The following COL27A1 variants were observed in gnomAD, a reference collection of about 807,000 sequenced individuals.
The protein encoded by COL27A1 is collagen type XXVII alpha 1 chain, also known as collagen alpha-1(XXVII) chain.
A neutral mutation model predicts 251.3 loss-of-function variants in COL27A1; 106 were observed. The observed-to-expected ratio is 0.42, with a 90% CI of 0.36 to 0.50. COL27A1 has a LOEUF of 0.50. Among genes scored for constraint, COL27A1 ranks in the 20% least tolerant of loss-of-function variants. The pLI, the probability that COL27A1 is intolerant of heterozygous loss-of-function variation, is 0.00. For synonymous variants in COL27A1, 1,000 were observed against 986.3 expected, an observed-to-expected ratio of 1.01 and a Z score of -0.26; for missense variants, 2,325 against 2,522.8, an observed-to-expected ratio of 0.92 and a Z score of 1.68.
chr9:114,227,572 G>A (rs143649546), intron 14 of COL27A1, among the ~76,000 whole-genome samples: 162 of 152,270 alleles, frequency 1.1e-3, no homozygotes, highest in Middle Eastern at 3.4e-3. Context: ...CACCAGCATC[G>A]TCCCTGGCAT....
At chr9:114,158,288 C>T (rs1219709935) in intron 1 of COL27A1, among the ~76,000 whole-genome samples, 1 of 152,200 alleles carries the variant, frequency 6.6e-6, no homozygotes. Context: ...ACTGTTGAAG[C>T]TGGTGTGGGT....
chr9:114,307,037 T>C (rs1829102689), intron 58 of COL27A1: 1 of 255,450 alleles, frequency 3.9e-6, no homozygotes, highest in African/African-American at 2.3e-5. Context: ...GCTGATGTGG[T>C]GCTGTGAAGG....
chr9:114,262,716 A>T (rs2135580931), intron 28 of COL27A1, among the ~76,000 whole-genome samples: 1 of 152,310 alleles, frequency 6.6e-6, no homozygotes, highest in African/African-American at 2.4e-5. Flanking sequence ...CTAGGGCTGG[A>T]CCCCACAATG....
chr9:114,226,665 C>G (rs963332096), intron 14 of COL27A1, among the ~76,000 whole-genome samples: 1 of 152,216 alleles, frequency 6.6e-6, no homozygotes, highest in African/African-American at 2.4e-5. Flanking sequence ...GTCCCTGTCC[C>G]GAACCCGCCT....
intron 3 of COL27A1, among the ~76,000 whole-genome samples, chr9:114,173,108 G>A (rs1439981200): frequency 6.6e-6 from 1 of 152,212 alleles, no homozygotes; most frequent in African/African-American, 2.4e-5. Context: ...GGGAGCCCCA[G>A]GAGGGGGGAA....
intron 1 of COL27A1, among the ~76,000 whole-genome samples, chr9:114,157,953 A>G (rs962550975): frequency 1.3e-5 from 2 of 152,198 alleles, no homozygotes; most frequent in Admixed American, 1.3e-4. Context: ...GGCAGCTGGT[A>G]TTTGTATTAT....
At chr9:114,174,944 A>G (rs1263899011) in intron 3 of COL27A1, among the ~76,000 whole-genome samples, 1 of 56,810 alleles carries the variant, frequency 1.8e-5, no homozygotes, top group Admixed American at 1.9e-4. Context: ...AGGCCTAGAG[A>G]TCAAAAGGAC....
At chr9:114,262,573 C>G (rs1834420387) in intron 28 of COL27A1, among the ~76,000 whole-genome samples, 2 of 152,258 alleles carry the variant, frequency 1.3e-5, no homozygotes, top group African/African-American at 2.4e-5. Context: ...GCGTGCCAGG[C>G]ACTGAGCTGC....
At chr9:114,169,977 C>T (rs1162944558) in intron 3 of COL27A1, among the ~76,000 whole-genome samples, 5 of 152,202 alleles carry the variant, frequency 3.3e-5, no homozygotes, top group Admixed American at 6.5e-5. Context: ...TTTAAAAATC[C>T]AATAACTTAC....
chr9:114,268,014 C>T (rs889968796), intron 34 of COL27A1, among the ~76,000 whole-genome samples: 2 of 152,168 alleles, frequency 1.3e-5, no homozygotes, highest in Non-Finnish European at 2.9e-5. Flanking sequence ...CAGGGGAGCC[C>T]GCAGAGGGGC....
chr9:114,267,326 C>T (rs1031882609), intron 33 of COL27A1, among the ~76,000 whole-genome samples, 178 bp from the exon 34 acceptor site: 14 of 152,130 alleles, frequency 9.2e-5, no homozygotes, highest in African/African-American at 3.4e-4. Context: ...TGGGCCCACC[C>T]CCAGCCCCCT....
intron 3 of COL27A1, among the ~76,000 whole-genome samples, chr9:114,171,365 C>T (rs565324882): frequency 2.0e-5 from 3 of 152,328 alleles, no homozygotes; most frequent in African/African-American, 7.2e-5. Context: ...TGAGTGTCCA[C>T]TCTGAGGCTC....
chr9:114,178,425 C>T (rs767253126), intron 4 of COL27A1, 81 bp downstream of exon 4: 3 of 1,292,124 alleles, frequency 2.3e-6, no homozygotes, highest in Non-Finnish European at 3.4e-6. Context: ...CTCGGGTTTG[C>T]TGTGTGTCCT....
chr9:114,162,799 C>T lies in COL27A1; in HGVS notation c.133+14C>T, dbSNP rs1364453887. ...GAGCTCCTGAAGGTAATTCTCTCTT[C>T]TCTTTGTCCAGGGGGAGACAAAGGA... On this transcript the variant is annotated intron_variant, in intron 2 of 60. Transcript: ENST00000356083. The T allele has an allele frequency of 6.2e-7, 1 of 1,601,534 alleles. No homozygotes were observed. Among genetic ancestry groups the T allele is most frequent in the South Asian group, 1.1e-5 (1 of 90,764 alleles).
rs892617487 is a variant in COL27A1 at position 114,290,579 on chromosome 9, G to T, written c.4369-231G>T. 1.9e-4 allele frequency among the ~76,000 whole-genome samples: 29 copies of T among 152,008 alleles called. No individual in the cohort carries two copies. The highest frequency in any genetic ancestry group is 4.0e-4 in the Non-Finnish European group (27 of 67,988). On this transcript the variant is annotated intron_variant, in intron 47 of 60. Transcript: ENST00000356083. This position sits in a 1 kb window ranked among gnomAD's most constrained non-coding sequence, Gnocchi z 4.6. ...TTTCCTCCCCTGCCTGGTGGATAGG[G>T]TTCCTCTCCCGCCCCTTCCTCACTC...
chr9:114,258,281 C>T, intron 27 of COL27A1, among the ~76,000 whole-genome samples: 1 of 152,190 alleles, frequency 6.6e-6, no homozygotes, highest in African/African-American at 2.4e-5. Flanking sequence ...CCCCACTCCC[C>T]AGACTCCCAG....
Position 114,288,751 on chromosome 9 carries a change from A to T in COL27A1, c.4094A>T (p.Tyr1365Phe). ...GDRGEPGDPG[Y>F]PGQEGVQGLR... Reference sequence around the variant, plus strand: ...CGCGGGGAACCGGGAGACCCTGGGTACCCTGTAAGTATCAGAGCTCCTACC... The same window carrying T: ...CGCGGGGAACCGGGAGACCCTGGGTTCCCTGTAAGTATCAGAGCTCCTACC... The change falls in exon 43 of 61, where the codon TAC becomes TTC. Residue 1365 changes from tyrosine to phenylalanine, a missense_variant. Tyr to Phe is a conservative substitution (Grantham distance 22). Around this residue, in one of 4 missense-constraint regions of COL27A1, gnomAD observed 662 missense variants for 795.3 expected, o/e 0.83. Transcript: ENST00000356083. 1 of 1,610,318 alleles carries T rather than the reference A, an allele frequency of 6.2e-7. No individual in the cohort carries two copies.
chr9:114,279,726 G>T (rs1334432366), intron 37 of COL27A1, among the ~76,000 whole-genome samples: 1 of 152,050 alleles, frequency 6.6e-6, no homozygotes, highest in Non-Finnish European at 1.5e-5. Context: ...GGTGGTGCAT[G>T]CCTGTAGTCT....
chr9:114,300,145 T>C, intron 50 of COL27A1, 22 bp downstream of exon 50: 1 of 1,610,752 alleles, frequency 6.2e-7, no homozygotes, highest in South Asian at 1.1e-5. Flanking sequence ...CACGGCTCAC[T>C]GTTCCTGTGG....
Sources: allele counts gnomAD v4.1 joint callset (sites outside exome capture counted in the v4.1 genomes callset), GRCh38; gene constraint gnomAD v4.1.1; regional missense constraint gnomAD v4.1.1; non-coding constraint Gnocchi (gnomAD v3.1); transcripts MANE v1.5; gene names NCBI Gene and HGNC (gene_info 2026-07-23, HGNC 2026-07-21).